The following TRPC5 variants were observed in gnomAD, a reference collection of about 807,000 sequenced individuals.
TRPC5 encodes the protein transient receptor potential cation channel subfamily C member 5.
In TRPC5, 9 loss-of-function variants were observed where a neutral mutation model predicts 56.5. The observed-to-expected ratio is 0.16, with a 90% CI of 0.10 to 0.28. The LOEUF is 0.28. Among genes scored for constraint, TRPC5 ranks in the 10% least tolerant of loss-of-function variants. TRPC5 has a pLI of 1.00. For missense variants in TRPC5, 469 were observed against 748.9 expected (o/e 0.63, Z 4.36); for synonymous variants, 282 against 278.5 (o/e 1.01, Z -0.13).
chrX:111,794,912 T>A (rs1946048197), intron 7 of TRPC5, among the ~76,000 whole-genome samples: 1 of 111,638 alleles, frequency 9.0e-6, no homozygotes, highest in Admixed American at 9.6e-5. Flanking sequence ...AACATTCAGA[T>A]AATAGCCAGA....
At chrX:111,948,588 C>G (rs1926989251) in intron 2 of TRPC5, among the ~76,000 whole-genome samples, 1 of 109,643 alleles carries the variant, frequency 9.1e-6, no homozygotes, top group South Asian at 4.0e-4. Context: ...AAAAATTAGC[C>G]AGGCGTGGCG....
chrX:112,028,934 T>C (rs966413586), intron 1 of TRPC5, among the ~76,000 whole-genome samples: 35 of 112,531 alleles, frequency 3.1e-4, no homozygotes, highest in Admixed American at 9.4e-4. Flanking sequence ...CTCTCCAGCA[T>C]CTGTTGTTTA....
intron 2 of TRPC5, among the ~76,000 whole-genome samples, chrX:111,921,155 A>G (rs1926117394): frequency 8.9e-6 from 1 of 111,814 alleles, no homozygotes; most frequent in South Asian, 3.8e-4. Flanking sequence ...AAAGCCAGAC[A>G]GTAATTGATA....
intron 2 of TRPC5, among the ~76,000 whole-genome samples, chrX:111,943,803 G>A (rs1355317078): frequency 8.9e-6 from 1 of 111,906 alleles, no homozygotes; most frequent in East Asian, 2.8e-4. Flanking sequence ...TGCCATCAGG[G>A]CCAGGCAGAA....
In TRPC5 at chrX:111,912,807, G is replaced by A. The variant is rs58337149; in HGVS notation, c.384C>T (p.Pro128=). The A allele has an allele frequency of 1.7e-3, 2,062 of 1,193,305 alleles. 20 individuals carry two copies. The African/African-American group carries it at 0.031, about 18-fold the overall frequency. Residue 128 remains proline, a synonymous_variant, in exon 3 of 11, where the codon CCC becomes CCT. Coordinates refer to ENST00000262839, the MANE Select transcript of TRPC5 (RefSeq NM_012471.3). The part of the protein sequence containing the change: ...YRRPSGEKQV[P]TLMMDTQFSE... ...AGAACTGCGTGTCCATCATCAGAGT[G>A]GGGACCTAGGTACAAGAAATGAGAA...
At chrX:112,046,535 T>C (rs923864734) in intron 1 of TRPC5, among the ~76,000 whole-genome samples, 8 of 111,069 alleles carry the variant, frequency 7.2e-5, no homozygotes, top group Non-Finnish European at 1.5e-4. Context: ...AGAGTATTTG[T>C]TTATGTGCCT....
intron 1 of TRPC5, among the ~76,000 whole-genome samples, chrX:112,004,459 AGTCATTTCTTCCT>A (rs1386964330): frequency 1.8e-5 from 2 of 112,110 alleles, no homozygotes; most frequent in African/African-American, 6.5e-5. Flanking sequence ...ATCCCACTAG[AGTCATTTCTTCCT>A]GGAACCACAC....
At chrX:111,984,446 T>C (rs1455729309) in intron 1 of TRPC5, among the ~76,000 whole-genome samples, 1 of 111,905 alleles carries the variant, frequency 8.9e-6, no homozygotes, top group Non-Finnish European at 1.9e-5. Flanking sequence ...CCACTCAGCA[T>C]TGTGCTTCTT....
intron 7 of TRPC5, among the ~76,000 whole-genome samples, chrX:111,783,778 A>G (rs1289178875): frequency 1.8e-5 from 2 of 111,240 alleles, no homozygotes; most frequent in African/African-American, 3.3e-5. Context: ...CAAAATTATC[A>G]TGTTTATAAA....
chrX:111,790,468 TTGA>T (rs1281491833), intron 7 of TRPC5, among the ~76,000 whole-genome samples: 1 of 110,743 alleles, frequency 9.0e-6, no homozygotes, highest in East Asian at 2.9e-4. Flanking sequence ...AAATGATGAG[TTGA>T]TGAGTGCAGC....
chrX:111,781,143 C>T, intron 9 of TRPC5, 22 bp downstream of exon 9: 1 of 1,204,105 alleles, frequency 8.3e-7, no homozygotes. Flanking sequence ...TATTGTGCTT[C>T]ATCCCTGTGA....
intron 3 of TRPC5, among the ~76,000 whole-genome samples, chrX:111,895,159 A>G (rs143525209): frequency 0.014 from 1,605 of 111,824 alleles, 23 homozygotes; most frequent in African/African-American, 0.049. Flanking sequence ...CCAGCAATCT[A>G]TGAGAGTTCC....
intron 7 of TRPC5, among the ~76,000 whole-genome samples, chrX:111,783,727 A>T (rs1345674172): frequency 9.0e-6 from 1 of 110,749 alleles, no homozygotes; most frequent in South Asian, 3.8e-4. Context: ...CATTCTCTTA[A>T]TGATGTCTTT....
At chrX:111,880,272 T>G (rs60068408) in intron 3 of TRPC5, among the ~76,000 whole-genome samples, 16,324 of 111,581 alleles carry the variant, frequency 0.15, 2,861 homozygotes, top group African/African-American at 0.5. Context: ...AAGGGTTGTG[T>G]CTATATGTGC....
chrX:111,931,903 G>A (rs191765891), intron 2 of TRPC5, among the ~76,000 whole-genome samples: 38 of 111,872 alleles, frequency 3.4e-4, no homozygotes, highest in African/African-American at 1.2e-3. Flanking sequence ...ACCTAGGATG[G>A]ATACTGGCAC....
intron 1 of TRPC5, among the ~76,000 whole-genome samples, chrX:111,990,232 A>G (rs1246300352): frequency 9.0e-6 from 1 of 110,795 alleles, no homozygotes; most frequent in East Asian, 2.8e-4. Context: ...AGCCTGACCA[A>G]CAAGGTGAAA....
chrX:112,029,837 T>TA (rs2147718000), intron 1 of TRPC5, among the ~76,000 whole-genome samples: 1 of 110,468 alleles, frequency 9.1e-6, no homozygotes, highest in East Asian at 2.8e-4. Context: ...TCCTTTTTTT[T>TA]TTTTTTTGAG....
chrX:111,776,017 C>A lies in TRPC5; in HGVS notation c.*296G>T. The A allele has an allele frequency of 4.6e-6, 1 of 215,159 alleles. No individual in the cohort carries two copies. The highest frequency in any genetic ancestry group is 8.4e-6 in the Non-Finnish European group (1 of 118,384). The allele number at this position is 215,159 out of a possible 1,213,427, so 17.7% of individuals were successfully genotyped here. A position where few individuals can be genotyped will look rare whatever the true frequency, so the allele number is the denominator to read the frequency against. Reference sequence around the variant, plus strand: ...TTCAAGGAAGCATGGGTGAGAAAAGCAAAGCAAAAAGGTTAAGCACCCAAC... The same window carrying A: ...TTCAAGGAAGCATGGGTGAGAAAAGAAAAGCAAAAAGGTTAAGCACCCAAC... On this transcript the variant is annotated 3_prime_UTR_variant, in exon 11 of 11. Transcript: ENST00000262839.
At chrX:111,853,119 G>A (rs1449739743) in intron 4 of TRPC5, among the ~76,000 whole-genome samples, 1 of 111,436 alleles carries the variant, frequency 9.0e-6, no homozygotes, top group African/African-American at 3.3e-5. Context: ...TCAGATCCCG[G>A]GTGGCACCTG....
Sources: gnomAD v4.1 joint callset for allele counts (sites outside exome capture counted in the v4.1 genomes callset) on GRCh38, gnomAD v4.1.1 for gene constraint, MANE v1.5 for transcripts, NCBI Gene and HGNC (gene_info 2026-07-23, HGNC 2026-07-21) for gene names.